The following PTPRT variants were observed in gnomAD, a reference collection of about 807,000 sequenced individuals.
The protein encoded by PTPRT is receptor-type tyrosine-protein phosphatase T.
A neutral mutation model predicts 176.8 loss-of-function variants in PTPRT; 56 were observed. The observed-to-expected ratio is 0.32, with a 90% CI of 0.26 to 0.40. PTPRT has a LOEUF of 0.40. Ranked by LOEUF, PTPRT falls within the 10% of genes least tolerant of loss-of-function variation. The pLI is 1.00. For synonymous variants in PTPRT, 783 were observed against 739.0 expected, an observed-to-expected ratio of 1.06 and a Z score of -0.96; for missense variants, 1,540 against 1,908.2, an observed-to-expected ratio of 0.81 and a Z score of 3.60.
chr20:42,954,305 G>A (rs182628166), intron 1 of PTPRT, among the ~76,000 whole-genome samples: 18 of 152,270 alleles, frequency 1.2e-4, no homozygotes, highest in Admixed American at 5.2e-4. Context: ...AGGGAACTTT[G>A]GGGAAGCAAA....
At chr20:43,185,750 T>C (rs547183270) in intron 1 of PTPRT, among the ~76,000 whole-genome samples, 154 of 152,142 alleles carry the variant, frequency 1.0e-3, no homozygotes, top group Non-Finnish European at 1.8e-3. Context: ...CTGGCCAACA[T>C]GGTGAAACCC....
chr20:42,360,508 T>C (rs2058418508), intron 9 of PTPRT, among the ~76,000 whole-genome samples: 1 of 152,210 alleles, frequency 6.6e-6, no homozygotes, highest in Non-Finnish European at 1.5e-5. Context: ...CAGCTTTTAG[T>C]CTCATGCTGG....
At chr20:42,516,816 A>C (rs2072075933) in intron 7 of PTPRT, among the ~76,000 whole-genome samples, 1 of 152,180 alleles carries the variant, frequency 6.6e-6, no homozygotes, top group Non-Finnish European at 1.5e-5. Context: ...TTATAGAAAC[A>C]TTGGCAAATT....
At chr20:42,569,205 A>C (rs961679832) in intron 7 of PTPRT, among the ~76,000 whole-genome samples, 1 of 148,876 alleles carries the variant, frequency 6.7e-6, no homozygotes, top group Non-Finnish European at 1.5e-5. Context: ...GACTACTATG[A>C]TTCCAATTTC....
intron 7 of PTPRT, among the ~76,000 whole-genome samples, chr20:42,474,331 T>A (rs1257850949): frequency 6.6e-6 from 1 of 152,154 alleles, no homozygotes; most frequent in Non-Finnish European, 1.5e-5. Context: ...GATCTGTCCC[T>A]ATGGGGAAAA....
intron 15 of PTPRT, among the ~76,000 whole-genome samples, chr20:42,202,322 G>A (rs1490924142): frequency 6.6e-6 from 1 of 152,088 alleles, no homozygotes; most frequent in African/African-American, 2.4e-5. Flanking sequence ...GAAACATGTA[G>A]CCTAAAATGG....
At chr20:43,060,283 CAAG>C (rs1227843263) in intron 1 of PTPRT, among the ~76,000 whole-genome samples, 1 of 152,162 alleles carries the variant, frequency 6.6e-6, no homozygotes, top group Non-Finnish European at 1.5e-5. Flanking sequence ...TTCAAGGCTA[CAAG>C]AAGTTCTGTG....
At chr20:42,525,687 C>T (rs936819608) in intron 7 of PTPRT, among the ~76,000 whole-genome samples, 1 of 152,178 alleles carries the variant, frequency 6.6e-6, no homozygotes, top group Non-Finnish European at 1.5e-5. Context: ...CCCTAATTAT[C>T]TCTTCAAATT....
chr20:42,840,637 T>C (rs1407696945), intron 2 of PTPRT, among the ~76,000 whole-genome samples: 2 of 152,156 alleles, frequency 1.3e-5, no homozygotes, highest in East Asian at 1.9e-4. Context: ...GGTCTCAAAC[T>C]CTTGACCTCA....
intron 1 of PTPRT, among the ~76,000 whole-genome samples, chr20:43,051,757 T>C (rs1987054539): frequency 6.6e-6 from 1 of 151,838 alleles, no homozygotes; most frequent in Non-Finnish European, 1.5e-5. Context: ...AAAGACAATA[T>C]TTTACTCAAA....
chr20:42,088,680 A>T (rs1157381775), intron 27 of PTPRT, among the ~76,000 whole-genome samples: 1 of 152,196 alleles, frequency 6.6e-6, no homozygotes, highest in African/African-American at 2.4e-5. Flanking sequence ...TCATTTATGT[A>T]TTGTCCACAG....
intron 9 of PTPRT, among the ~76,000 whole-genome samples, chr20:42,370,650 A>AT (rs1423009808): frequency 6.6e-6 from 1 of 152,168 alleles, no homozygotes; most frequent in East Asian, 1.9e-4. Context: ...CAGAATGGGG[A>AT]ATAACTGAGA....
At chr20:43,062,798 T>A (rs1378744530) in intron 1 of PTPRT, among the ~76,000 whole-genome samples, 1 of 152,192 alleles carries the variant, frequency 6.6e-6, no homozygotes, top group Non-Finnish European at 1.5e-5. Context: ...TTCTACTATA[T>A]TGTTACACAG....
chr20:42,834,510 T>C (rs1214107648), intron 2 of PTPRT, among the ~76,000 whole-genome samples: 1 of 152,102 alleles, frequency 6.6e-6, no homozygotes, highest in Non-Finnish European at 1.5e-5. Context: ...GAAATCTTAG[T>C]ATTTACTGAA....
At chr20:42,055,163 C>T in the PTPRT span, among the ~76,000 whole-genome samples, 7 of 152,236 alleles carry the variant, frequency 4.6e-5, no homozygotes, top group South Asian at 2.1e-4. Flanking sequence ...CTTAACGTGG[C>T]GGTACAGGTG....
At chr20:42,777,233 G>A (rs1406111741) in intron 4 of PTPRT, among the ~76,000 whole-genome samples, 1 of 152,060 alleles carries the variant, frequency 6.6e-6, no homozygotes, top group Non-Finnish European at 1.5e-5. Flanking sequence ...AACTACTCAC[G>A]ATGCTGCCCA....
intron 3 of PTPRT, among the ~76,000 whole-genome samples, chr20:42,785,318 T>C (rs952457558): frequency 1.3e-5 from 2 of 152,132 alleles, no homozygotes; most frequent in Admixed American, 1.3e-4. Flanking sequence ...AAAGTCAATT[T>C]TAGAACTATA....
chr20:42,722,407 CCCTCCTGCT>C (rs2076317812), intron 6 of PTPRT, among the ~76,000 whole-genome samples: 1 of 152,156 alleles, frequency 6.6e-6, no homozygotes, highest in Non-Finnish European at 1.5e-5. Context: ...TAGCAACTGA[CCCTCCTGCT>C]CCTGGAAATA....
intron 27 of PTPRT, among the ~76,000 whole-genome samples, chr20:42,098,194 T>C (rs1037663777): frequency 4.6e-5 from 7 of 151,592 alleles, no homozygotes; most frequent in African/African-American, 7.3e-5. Flanking sequence ...GGGCGGGGAG[T>C]TGGACAAAGC....
Sources: allele counts gnomAD v4.1 joint callset (sites outside exome capture counted in the v4.1 genomes callset), GRCh38; gene constraint gnomAD v4.1.1; transcripts MANE v1.5; gene names NCBI Gene and HGNC (gene_info 2026-07-23, HGNC 2026-07-21).